Variants in PSMA1 observed in about 807,000 individuals in gnomAD.
PSMA1 encodes proteasome subunit alpha type-1.
In PSMA1, 3 loss-of-function variants were observed where a neutral mutation model predicts 38.4. That is an observed-to-expected ratio of 0.08 (90% CI 0.04 to 0.20). The LOEUF (loss-of-function observed/expected upper bound fraction) is 0.20, where lower values mean the gene tolerates loss of function less well. Ranked by LOEUF, PSMA1 falls within the 10% of genes least tolerant of loss-of-function variation. The probability of loss-of-function intolerance (pLI) is 1.00; values close to 1 mark genes in which losing one functional copy is unlikely to be tolerated. For missense variants in PSMA1, 227 were observed against 325.3 expected, an observed-to-expected ratio of 0.70 and a Z score of 2.32; for synonymous variants, 101 against 107.1, an observed-to-expected ratio of 0.94 and a Z score of 0.35.
At chr11:14,597,391 G>A (rs976124175) in intron 2 of PSMA1, among the ~76,000 whole-genome samples, 7 of 152,082 alleles carry the variant, frequency 4.6e-5, no homozygotes, top group Admixed American at 3.9e-4. Flanking sequence ...TTTTTGGTTG[G>A]TAGGCTATTA....
At chr11:14,535,503 G>A (rs1427809397) in intron 2 of PSMA1, among the ~76,000 whole-genome samples, 2 of 151,106 alleles carry the variant, frequency 1.3e-5, no homozygotes, top group African/African-American at 4.9e-5. Context: ...GAGTGCAATG[G>A]CACGATCTCG....
At chr11:14,627,924 T>C (rs990300282) in intron 1 of PSMA1, among the ~76,000 whole-genome samples, 7 of 152,170 alleles carry the variant, frequency 4.6e-5, no homozygotes, top group Non-Finnish European at 8.8e-5. Context: ...AATTTGGCTA[T>C]CTTTTAGGAC....
At chr11:14,543,352 C>T (rs751626202) in intron 2 of PSMA1, among the ~76,000 whole-genome samples, 7 of 152,160 alleles carry the variant, frequency 4.6e-5, no homozygotes, top group Non-Finnish European at 8.8e-5. Flanking sequence ...AGGAGTAAAT[C>T]TTAAGACTGT....
chr11:14,554,754 G>T (rs577907651), intron 2 of PSMA1, among the ~76,000 whole-genome samples: 1 of 151,984 alleles, frequency 6.6e-6, no homozygotes, highest in South Asian at 2.1e-4. Flanking sequence ...TTTTTTAAAC[G>T]GATTTTTTTA....
intron 2 of PSMA1, among the ~76,000 whole-genome samples, chr11:14,599,297 T>A (rs2134192870): frequency 6.6e-6 from 1 of 152,330 alleles, no homozygotes; most frequent in South Asian, 2.1e-4. Context: ...CTTGCTAGGT[T>A]GGGGAAGTTC....
chr11:14,531,680 G>A (rs898763502), intron 2 of PSMA1, among the ~76,000 whole-genome samples: 3 of 152,016 alleles, frequency 2.0e-5, no homozygotes, highest in Admixed American at 6.5e-5. Flanking sequence ...AGCTGGTCTT[G>A]AACTCCTGAG....
intron 8 of PSMA1, among the ~76,000 whole-genome samples, chr11:14,508,078 C>T (rs1851275830): frequency 6.6e-6 from 1 of 152,072 alleles, no homozygotes; most frequent in South Asian, 2.1e-4. Flanking sequence ...TATCCAATCA[C>T]CATAACAAAA....
rs142804378 is a variant in PSMA1 at position 14,513,215 on chromosome 11, A to G, written c.544+355T>C. On this transcript the variant is annotated intron_variant, in intron 7 of 9. Transcript: ENST00000396394. ...AATGTCTGTGTGGCTTAAAATAACAAAAGACTCACAGAAAACTAAAAGTGA... is the reference window on the plus strand; with the variant it reads ...AATGTCTGTGTGGCTTAAAATAACAGAAGACTCACAGAAAACTAAAAGTGA... Among the ~76,000 whole-genome samples the G allele has an allele frequency of 5.9e-5, 9 of 152,310 alleles. No homozygotes were observed. In the East Asian group the frequency reaches 7.7e-4, roughly 13 times the overall value.
At chr11:14,542,774 T>C (rs1364358718) in intron 2 of PSMA1, among the ~76,000 whole-genome samples, 1 of 152,250 alleles carries the variant, frequency 6.6e-6, no homozygotes, top group African/African-American at 2.4e-5. Flanking sequence ...GTTCCAATTC[T>C]AGAGCAAGAG....
chr11:14,547,705 C>T (rs958611830), intron 2 of PSMA1, among the ~76,000 whole-genome samples: 12 of 152,152 alleles, frequency 7.9e-5, no homozygotes, highest in Non-Finnish European at 1.5e-4. Context: ...AGCTCAGAGG[C>T]TCTGTGGGGG....
chr11:14,544,001 G>A lies in PSMA1; in HGVS notation c.22-24960C>T, dbSNP rs1247647141. Among the ~76,000 whole-genome samples the A allele has an allele frequency of 2.0e-5, 3 of 152,128 alleles. No individual in the cohort carries two copies. The East Asian group carries it at 5.8e-4, about 29-fold the overall frequency. ...CTTAAATATGACATCAAAAGCTCAA[G>A]CAACAAAAGAAAATATAATAACTTG... On this transcript the variant is annotated intron_variant, in intron 2 of 10. Transcript: ENST00000418988.
intron 2 of PSMA1, among the ~76,000 whole-genome samples, chr11:14,564,006 A>T (rs907178081): frequency 2.0e-5 from 3 of 152,230 alleles, no homozygotes; most frequent in African/African-American, 7.2e-5. Flanking sequence ...AGATAATTTT[A>T]AATTTATACA....
chr11:14,555,301 C>T lies in PSMA1; in HGVS notation c.22-36260G>A, dbSNP rs1473723325. ...AACCAAATTTTCAGCCTATCTTTAG[C>T]AATGATGTGTACTGGATGATGTGCA... On this transcript the variant is annotated intron_variant, in intron 2 of 10. Coordinates refer to the PSMA1 transcript ENST00000418988. Among the ~76,000 whole-genome samples the T allele has an allele frequency of 2.0e-5, 3 of 152,174 alleles. No homozygotes were observed. The East Asian group carries it at 5.8e-4, about 29-fold the overall frequency.
At chr11:14,566,353 T>C (rs1852071344) in intron 2 of PSMA1, among the ~76,000 whole-genome samples, 1 of 152,212 alleles carries the variant, frequency 6.6e-6, no homozygotes, top group Non-Finnish European at 1.5e-5. Flanking sequence ...GAAGTGATTA[T>C]ATTCTAAATA....
intron 1 of PSMA1, among the ~76,000 whole-genome samples, chr11:14,612,552 A>C (rs974902426): frequency 6.6e-6 from 1 of 152,188 alleles, no homozygotes; most frequent in Non-Finnish European, 1.5e-5. Flanking sequence ...AAATGTATGG[A>C]GCAGTTTCTT....
intron 2 of PSMA1, among the ~76,000 whole-genome samples, chr11:14,568,744 T>C (rs1852102813): frequency 6.6e-6 from 1 of 152,266 alleles, no homozygotes; most frequent in Non-Finnish European, 1.5e-5. Context: ...TCTTAGTGTC[T>C]TGGCTAGTGA....
intron 2 of PSMA1, among the ~76,000 whole-genome samples, chr11:14,538,157 T>C (rs1851732188): frequency 1.3e-5 from 2 of 152,216 alleles, no homozygotes; most frequent in Non-Finnish European, 1.5e-5. Context: ...TACACATAGT[T>C]CCTATGTATT....
At chr11:14,579,107 C>A (rs1395861922) in intron 2 of PSMA1, among the ~76,000 whole-genome samples, 1 of 152,136 alleles carries the variant, frequency 6.6e-6, no homozygotes, top group South Asian at 2.1e-4. Flanking sequence ...TTAGGTATAA[C>A]CTATTAGAAA....
At chr11:14,605,022 C>T (rs1852625791) in intron 2 of PSMA1, among the ~76,000 whole-genome samples, 1 of 152,196 alleles carries the variant, frequency 6.6e-6, no homozygotes, top group South Asian at 2.1e-4. Flanking sequence ...CATGAGAATA[C>T]ATATGCATTT....
Sources: allele counts gnomAD v4.1 joint callset (sites outside exome capture counted in the v4.1 genomes callset), GRCh38; gene constraint gnomAD v4.1.1; transcripts MANE v1.5; gene names NCBI Gene and HGNC (gene_info 2026-07-23, HGNC 2026-07-21).